The following KIF20A variants were observed in gnomAD, a reference collection of about 807,000 sequenced individuals.
The protein encoded by KIF20A is kinesin family member 20A.
Under a neutral mutation model 113.0 loss-of-function variants are expected in KIF20A, and 66 were observed. The observed-to-expected ratio is 0.58, with a 90% CI of 0.48 to 0.72. KIF20A has a LOEUF of 0.72. Among genes scored for constraint, KIF20A ranks in the 30% least tolerant of loss-of-function variants. The pLI is 0.00. For synonymous variants in KIF20A, 376 were observed against 402.3 expected, an observed-to-expected ratio of 0.93 and a Z score of 0.78; for missense variants, 927 against 1,077.6, an observed-to-expected ratio of 0.86 and a Z score of 1.96.
In KIF20A at chr5:138,182,595, A is replaced by G. The variant is rs1435992022; in HGVS notation, c.524A>G (p.Lys175Arg). ...TTTCATATGCCTCCAGGTACCATCAAGGATGGAGGGATTCTCCCCCGGTCC... is the reference window on the plus strand; with the variant it reads ...TTTCATATGCCTCCAGGTACCATCAGGGATGGAGGGATTCTCCCCCGGTCC... ...GKTHTIQGTI[K>R]DGGILPRSLA... Residue 175 changes from lysine to arginine, a missense_variant, in exon 6 of 19, where the codon AAG (lysine) becomes AGG (arginine). Transcript: ENST00000394894. 2 of 1,614,184 alleles carry G rather than the reference A, an allele frequency of 1.2e-6. No homozygotes were observed. Among genetic ancestry groups the G allele is most frequent in the Non-Finnish European group, 1.7e-6 (2 of 1,180,020 alleles).
chr5:138,182,823 GGAA>G (rs1754682552), intron 6 of KIF20A, 35 bp from the exon 7 acceptor site: 4 of 1,613,688 alleles, frequency 2.5e-6, no homozygotes, highest in Non-Finnish European at 3.4e-6. Context: ...CAAATCTCGG[GGAA>G]GTTTTGTGCT....
intron 2 of KIF20A, among the ~76,000 whole-genome samples, chr5:138,181,184 A>C (rs1754655874): frequency 6.6e-6 from 1 of 152,262 alleles, no homozygotes; most frequent in South Asian, 2.1e-4. Flanking sequence ...ATTCGAACTC[A>C]GATCATCGGT....
chr5:138,183,495 T>A lies in KIF20A; in HGVS notation c.1053T>A (p.Asp351Glu). The A allele has an allele frequency of 6.2e-7, 1 of 1,614,136 alleles. No individual in the cohort carries two copies. Among genetic ancestry groups the A allele is most frequent in the African/African-American group, 1.3e-5 (1 of 75,034 alleles). Reference sequence around the variant, plus strand: ...ATCTCAACTGGATTCATGTGCAAGATGCTGAGGAGGCCTGGAAGCTCCTAA... The same window carrying A: ...ATCTCAACTGGATTCATGTGCAAGAAGCTGAGGAGGCCTGGAAGCTCCTAA... Reference protein sequence around the residue: ...VKDLNWIHVQDAEEAWKLLKV... With the variant: ...VKDLNWIHVQEAEEAWKLLKV... Residue 351 changes from aspartate (D) to glutamate (E), a missense_variant, in exon 9 of 19, where the codon GAT becomes GAA. Coordinates refer to ENST00000394894, the MANE Select transcript of KIF20A (RefSeq NM_005733.3). The surrounding 1 kb of genome is among the most constrained non-coding windows in gnomAD (Gnocchi z 5.2).
At chr5:138,185,901 A>G (rs945909720) in intron 16 of KIF20A, 60 bp from the exon 17 acceptor site, 2 of 1,459,638 alleles carry the variant, frequency 1.4e-6, no homozygotes, top group Admixed American at 1.8e-5. Flanking sequence ...TCAGTTAAAG[A>G]GGTTAGTCCA....
At chr5:138,179,910 G>T in intron 2 of KIF20A, 65 bp downstream of exon 2, 3 of 1,529,666 alleles carry the variant, frequency 2.0e-6, no homozygotes, top group East Asian at 2.3e-5. Context: ...TGTCCATACA[G>T]GGTAGTATGA....
rs774010777 is a variant in KIF20A at position 138,184,040 on chromosome 5, CAT to C, written c.1288_1289del (p.Ile430Ter). The C allele has an allele frequency of 6.2e-7, 1 of 1,614,176 alleles. No individual in the cohort carries two copies. The highest frequency in any genetic ancestry group is 2.2e-5 in the East Asian group (1 of 44,876). ...SGERLKEAGNINTSLHTLGRC... is the reference protein window; with the variant it reads ...SGERLKEAGNXNTSLHTLGRC... ...GTGAACGGTTGAAGGAAGCAGGAAA[CAT>C]TAACACCTCTCTACACACCCTGGGC... On this transcript the variant is annotated frameshift_variant, in exon 11 of 19. Transcript: ENST00000394894. LOFTEE classifies it high-confidence loss of function.
At position 138,179,742 on chromosome 5, in the gene KIF20A, C is replaced by A; in HGVS notation, c.62C>A (p.Ser21Tyr). The stretch of plus-strand genomic sequence containing the variant: ...CTGTCCGATGACGATGTCGTAGTTT[C>A]TCCCATGTTTGAGTCCACAGCTGCA... ...GLLSDDDVVVSPMFESTAADL... is the reference protein window; with the variant it reads ...GLLSDDDVVVYPMFESTAADL... Residue 21 changes from serine to tyrosine, a missense_variant, in exon 2 of 19, where the codon TCT (serine) becomes TAT (tyrosine). Ser to Tyr is a moderately radical substitution (Grantham distance 144). Transcript: ENST00000394894. 1 of 1,614,160 alleles carries A rather than the reference C, an allele frequency of 6.2e-7. No homozygotes were observed. The highest frequency in any genetic ancestry group is 1.1e-5 in the South Asian group (1 of 91,074).
chr5:138,184,883 A>G lies in KIF20A; in HGVS notation c.1760A>G (p.His587Arg). The G allele has an allele frequency of 6.2e-7, 1 of 1,614,186 alleles. No individual in the cohort carries two copies. Among genetic ancestry groups the G allele is most frequent in the Non-Finnish European group, 8.5e-7 (1 of 1,180,010 alleles). Residue 587 changes from histidine (H) to arginine (R), a missense_variant, in exon 14 of 19, where the codon CAT becomes CGT. Coordinates refer to ENST00000394894, the MANE Select transcript of KIF20A (RefSeq NM_005733.3). Reference protein sequence around the residue: ...ERQEKLQLEMHLRDEICNEMV... With the variant: ...ERQEKLQLEMRLRDEICNEMV... Reference sequence around the variant, plus strand: ...CAGGAAAAGCTACAGCTGGAGATGCATCTCCGAGATGAAATTTGCAATGAG... The same window carrying G: ...CAGGAAAAGCTACAGCTGGAGATGCGTCTCCGAGATGAAATTTGCAATGAG...
rs1317044546 is a variant in KIF20A, at chr5:138,183,070, A to G, written c.832+80A>G. 6.2e-7 allele frequency: 1 copy of G among 1,603,558 alleles called. No homozygotes were observed. Among genetic ancestry groups the G allele is most frequent in the African/African-American group, 1.3e-5 (1 of 74,824 alleles). ...CTAATAGCTGCCAGGAGTACAGACCAGAGGTTGCAATCTAAGGTCTGCCTT... is the reference window on the plus strand; with the variant it reads ...CTAATAGCTGCCAGGAGTACAGACCGGAGGTTGCAATCTAAGGTCTGCCTT... On this transcript the variant is annotated intron_variant, in intron 7 of 18. Coordinates refer to ENST00000394894, the MANE Select transcript of KIF20A (RefSeq NM_005733.3). The surrounding 1 kb of genome is among the most constrained non-coding windows in gnomAD (Gnocchi z 5.2).
In KIF20A at chr5:138,187,087, C is replaced by T; in HGVS notation, c.2356-9C>T. ...AAGTGTTTTCTATAACTTTATTGATCTTCCTTAGGACCAGACTCTGGCTGA... is the reference window on the plus strand; with the variant it reads ...AAGTGTTTTCTATAACTTTATTGATTTTCCTTAGGACCAGACTCTGGCTGA... On this transcript the variant is annotated splice_polypyrimidine_tract_variant and intron_variant, in intron 18 of 18. Coordinates refer to ENST00000394894, the MANE Select transcript of KIF20A (RefSeq NM_005733.3). The T allele has an allele frequency of 6.3e-7, 1 of 1,588,242 alleles. No homozygotes were observed.
At position 138,184,225 on chromosome 5, in the gene KIF20A, T is replaced by C; in HGVS notation, c.1353-14T>C. The C allele has an allele frequency of 6.2e-7, 1 of 1,613,806 alleles. No homozygotes were observed. Among genetic ancestry groups the C allele is most frequent in the South Asian group, 1.1e-5 (1 of 91,038 alleles). On this transcript the variant is annotated splice_polypyrimidine_tract_variant and intron_variant, in intron 11 of 18. Coordinates refer to ENST00000394894, the MANE Select transcript of KIF20A (RefSeq NM_005733.3). The stretch of plus-strand genomic sequence containing the variant: ...GTTCTGCTCACAGCTCTATTATCTC[T>C]GATTCTCTGCCAGGTCAAAGCAGAA...
rs1754710256 is a variant in KIF20A, at chr5:138,184,407, G to A, written c.1518+3G>A. 3 of 1,614,088 alleles carry A rather than the reference G, an allele frequency of 1.9e-6. No individual in the cohort carries two copies. Among genetic ancestry groups the A allele is most frequent in the South Asian group, 1.1e-5 (1 of 91,080 alleles). On this transcript the variant is annotated splice_donor_region_variant and intron_variant, in intron 12 of 18. Coordinates refer to ENST00000394894, the MANE Select transcript of KIF20A (RefSeq NM_005733.3). Reference sequence around the variant, plus strand: ...AGTTCTCAGCCATTGCTAGCCAGGTGAGAAGCTAGAGGTGTGATGGGTGTG... The same window carrying A: ...AGTTCTCAGCCATTGCTAGCCAGGTAAGAAGCTAGAGGTGTGATGGGTGTG...
At chr5:138,182,801 G>T (rs200824184) in intron 6 of KIF20A, 28 bp downstream of exon 6, 19 of 1,613,532 alleles carry the variant, frequency 1.2e-5, no homozygotes, top group Non-Finnish European at 1.4e-5. Flanking sequence ...ATGGCAGTGG[G>T]GGTAGGGGGT....
At chr5:138,179,542 G>T (rs1754599840) in intron 1 of KIF20A, 118 bp from the exon 2 acceptor site, 1 of 730,114 alleles carries the variant, frequency 1.4e-6, no homozygotes, top group Non-Finnish European at 2.3e-6. Flanking sequence ...AATTGGAGGG[G>T]AAAAGAAGTA....
chr5:138,179,977 G>T, intron 2 of KIF20A, 132 bp downstream of exon 2: 1 of 898,406 alleles, frequency 1.1e-6, no homozygotes. Flanking sequence ...AGGGCATTTA[G>T]GACAAAATGG....
At position 138,185,195 on chromosome 5, in the gene KIF20A, C is replaced by T; in HGVS notation, c.1924C>T (p.Gln642Ter). ...GACAAGTTTTTACCAAGAAGAGATTCAGGTGAGTTGCCCTGAGCCAGCTCC... is the reference window on the plus strand; with the variant it reads ...GACAAGTTTTTACCAAGAAGAGATTTAGGTGAGTTGCCCTGAGCCAGCTCC... Reference protein sequence around the residue: ...SLTSFYQEEIQERDEKIEELE... With the variant: ...SLTSFYQEEI Residue 642 changes from glutamine to a stop codon, truncating the protein, a stop_gained and splice_region_variant, in exon 15 of 19, where the codon CAG (glutamine) becomes TAG (stop). Transcript: ENST00000394894. LOFTEE classifies it high-confidence loss of function. 2 of 1,606,406 alleles carry T rather than the reference C, an allele frequency of 1.2e-6. No individual in the cohort carries two copies. Among genetic ancestry groups the T allele is most frequent in the Non-Finnish European group, 1.7e-6 (2 of 1,173,400 alleles).
In KIF20A at chr5:138,185,516, G is replaced by A. The variant is rs755581965; in HGVS notation, c.1931G>A (p.Arg644Gln). ...TGCTCTCTGCTTCCCTCTTAGGAGC[G>A]GGATGAAAAGATTGAAGAGCTAGAA... ...TSFYQEEIQE[R>Q]DEKIEELEAL... Residue 644 changes from arginine to glutamine, a missense_variant, in exon 16 of 19, where the codon CGG becomes CAG. Coordinates refer to ENST00000394894, the MANE Select transcript of KIF20A (RefSeq NM_005733.3). The A allele has an allele frequency of 1.3e-5, 21 of 1,612,990 alleles. No homozygotes were observed. The highest frequency in any genetic ancestry group is 1.9e-4 in the Middle Eastern group (1 of 5,288).
In KIF20A at chr5:138,182,586, G is replaced by A; in HGVS notation, c.515G>A (p.Gly172Asp). 1.9e-6 allele frequency: 3 copies of A among 1,614,122 alleles called. No individual in the cohort carries two copies. Among genetic ancestry groups the A allele is most frequent in the Non-Finnish European group, 2.5e-6 (3 of 1,180,022 alleles). Residue 172 changes from glycine to aspartate, a missense_variant and splice_region_variant, in exon 6 of 19, where the codon GGT becomes GAT. Gly to Asp is a moderately conservative substitution (Grantham distance 94, BLOSUM62 -1). Transcript: ENST00000394894. Reference sequence around the variant, plus strand: ...CTGTCCATCTTTCATATGCCTCCAGGTACCATCAAGGATGGAGGGATTCTC... The same window carrying A: ...CTGTCCATCTTTCATATGCCTCCAGATACCATCAAGGATGGAGGGATTCTC... ...TNSGKTHTIQ[G>D]TIKDGGILPR...
At chr5:138,180,445 C>G (rs1754638019) in intron 2 of KIF20A, among the ~76,000 whole-genome samples, 1 of 152,142 alleles carries the variant, frequency 6.6e-6, no homozygotes, top group South Asian at 2.1e-4. Flanking sequence ...TCAGGCATTG[C>G]TAAATGGCCC....
Sources: gnomAD v4.1 joint callset for allele counts (sites outside exome capture counted in the v4.1 genomes callset) on GRCh38, gnomAD v4.1.1 for gene constraint, Gnocchi (gnomAD v3.1) non-coding constraint, MANE v1.5 for transcripts, NCBI Gene and HGNC (gene_info 2026-07-23, HGNC 2026-07-21) for gene names.